GDPD4: variants seen among roughly 807,000 people sequenced by gnomAD.
GDPD4 encodes glycerophosphodiester phosphodiesterase domain containing 4, also known as glycerophosphodiester phosphodiesterase 6.
Under a neutral mutation model 67.8 loss-of-function variants are expected in GDPD4, and 60 were observed. That is an observed-to-expected ratio of 0.88 (90% confidence interval 0.72 to 1.10). The LOEUF (loss-of-function observed/expected upper bound fraction) is 1.10, where lower values mean the gene tolerates loss of function less well. Ranked by LOEUF, GDPD4 falls within the 50% of genes least tolerant of loss-of-function variation. The probability of loss-of-function intolerance (pLI) is 0.00; values close to 1 mark genes in which losing one functional copy is unlikely to be tolerated. For missense variants in GDPD4, 623 were observed against 613.9 expected (o/e 1.01, Z -0.16); for synonymous variants, 212 against 210.9 (o/e 1.00, Z -0.04).
intron 11 of GDPD4, among the ~76,000 whole-genome samples, chr11:77,248,800 C>T (rs1958831463): frequency 6.6e-6 from 1 of 151,416 alleles, no homozygotes; most frequent in Non-Finnish European, 1.5e-5. Context: ...CAGCTCACTA[C>T]AACCTCCACC....
At position 77,217,063 on chromosome 11, in the gene GDPD4, G is replaced by T. The variant is rs1244378190; in HGVS notation, c.*214C>A. 5.7e-6 allele frequency: 4 copies of T among 704,448 alleles called. No homozygotes were observed. The highest frequency in any genetic ancestry group is 1.0e-5 in the Non-Finnish European group (4 of 385,142). 43.6% of individuals were successfully genotyped at this position (704,448 alleles called of 1,614,324 possible). On this transcript the variant is annotated 3_prime_UTR_variant, in exon 17 of 17. Coordinates refer to ENST00000315938, the MANE Select transcript of GDPD4 (RefSeq NM_182833.3). ...GTGCTTGGGTGAGTTCAAAGACCACGGTGGGCATCGGTGGTTGAATCTCAT... is the reference window on the plus strand; with the variant it reads ...GTGCTTGGGTGAGTTCAAAGACCACTGTGGGCATCGGTGGTTGAATCTCAT...
At chr11:77,241,740 C>T (rs1192268084) in intron 13 of GDPD4, among the ~76,000 whole-genome samples, 14 of 149,426 alleles carry the variant, frequency 9.4e-5, no homozygotes, top group South Asian at 6.3e-4. Flanking sequence ...GTCAAGAGAT[C>T]GAGACCATCC....
At chr11:77,267,154 T>C (rs972739661) in intron 10 of GDPD4, among the ~76,000 whole-genome samples, 4 of 152,204 alleles carry the variant, frequency 2.6e-5, no homozygotes, top group African/African-American at 9.6e-5. Flanking sequence ...ATACCTACCA[T>C]TGTTCTGCAA....
intron 10 of GDPD4, among the ~76,000 whole-genome samples, chr11:77,263,005 C>T (rs192133775): frequency 2.6e-5 from 4 of 151,974 alleles, no homozygotes; most frequent in Non-Finnish European, 5.9e-5. Context: ...AAACAACTGT[C>T]AACTTAGAAT....
chr11:77,257,552 T>TACACACACACACACACACACACACAC (rs71043563), intron 11 of GDPD4, among the ~76,000 whole-genome samples: 9 of 134,266 alleles, frequency 6.7e-5, no homozygotes, highest in Non-Finnish European at 9.6e-5. Flanking sequence ...CTCCCTCTCC[T>TACACACACACACACACACACACACAC]ACACACACAC....
chr11:77,282,714 A>ACAAC (rs1565542008), intron 3 of GDPD4, among the ~76,000 whole-genome samples: 2 of 152,072 alleles, frequency 1.3e-5, no homozygotes, highest in African/African-American at 4.8e-5. Context: ...ACAACAAAAA[A>ACAAC]AAAAACACAG....
At chr11:77,280,569 C>T (rs999782659) in intron 3 of GDPD4, among the ~76,000 whole-genome samples, 114 of 152,298 alleles carry the variant, frequency 7.5e-4, no homozygotes, top group Non-Finnish European at 5.1e-4. Flanking sequence ...ACTCCTCTTT[C>T]TTCTAATCAT....
chr11:77,258,630 G>A, intron 10 of GDPD4, 88 bp from the exon 11 acceptor site: 1 of 1,146,764 alleles, frequency 8.7e-7, no homozygotes. Context: ...GTCCTTCAAG[G>A]TCACAAGTGT....
At chr11:77,291,160 A>C (rs1937759142) in intron 1 of GDPD4, among the ~76,000 whole-genome samples, 1 of 152,224 alleles carries the variant, frequency 6.6e-6, no homozygotes, top group Non-Finnish European at 1.5e-5. Flanking sequence ...AAATGAGCTT[A>C]TATATGCAAT....
Position 77,268,545 on chromosome 11 carries a change from G to A in GDPD4, c.625-6C>T, listed in dbSNP as rs756421375. On this transcript the variant is annotated splice_polypyrimidine_tract_variant and splice_region_variant and intron_variant, in intron 9 of 16. Transcript: ENST00000315938. ...ATGGTATTCTCAGGCCCCAACTGTAGAAGAAAAGGACATCAGGCCCTAAGC... is the reference window on the plus strand; with the variant it reads ...ATGGTATTCTCAGGCCCCAACTGTAAAAGAAAAGGACATCAGGCCCTAAGC... The A allele has an allele frequency of 1.2e-6, 2 of 1,603,340 alleles. No individual in the cohort carries two copies. Among genetic ancestry groups the A allele is most frequent in the Non-Finnish European group, 1.7e-6 (2 of 1,170,740 alleles).
intron 3 of GDPD4, among the ~76,000 whole-genome samples, chr11:77,279,927 A>G (rs1426770248): frequency 6.6e-6 from 1 of 152,250 alleles, no homozygotes; most frequent in East Asian, 1.9e-4. Flanking sequence ...TAGGTATTAC[A>G]CAAAGAAATT....
intron 1 of GDPD4, among the ~76,000 whole-genome samples, chr11:77,297,104 G>C (rs1000415565): frequency 6.7e-6 from 1 of 150,130 alleles, no homozygotes; most frequent in African/African-American, 2.4e-5. Flanking sequence ...TTCACACAAA[G>C]TATTTACAGG....
chr11:77,281,609 G>C (rs1959755563), intron 3 of GDPD4, among the ~76,000 whole-genome samples: 1 of 152,206 alleles, frequency 6.6e-6, no homozygotes, highest in Admixed American at 6.5e-5. Context: ...AGCATTTGGG[G>C]TAATTTTTCT....
intron 13 of GDPD4, among the ~76,000 whole-genome samples, chr11:77,239,561 G>A (rs1958625536): frequency 6.6e-6 from 1 of 152,146 alleles, no homozygotes; most frequent in Non-Finnish European, 1.5e-5. Context: ...CCTAACTGAT[G>A]AAAGTAAGAA....
intron 3 of GDPD4, among the ~76,000 whole-genome samples, chr11:77,281,840 G>C (rs1959767125): frequency 6.6e-6 from 1 of 152,056 alleles, no homozygotes; most frequent in South Asian, 2.1e-4. Flanking sequence ...CTCCCCCTAG[G>C]TACTGGCTTG....
intron 3 of GDPD4, among the ~76,000 whole-genome samples, chr11:77,282,500 A>G (rs1959803185): frequency 6.6e-6 from 1 of 151,818 alleles, no homozygotes; most frequent in Non-Finnish European, 1.5e-5. Context: ...AAAAAAATAT[A>G]AAAATTAGCT....
chr11:77,273,398 A>G (rs1411141953), intron 5 of GDPD4, among the ~76,000 whole-genome samples: 5 of 152,180 alleles, frequency 3.3e-5, no homozygotes, highest in African/African-American at 9.7e-5. Flanking sequence ...TTAACTTCCA[A>G]GGGAATGCCA....
chr11:77,242,286 G>A (rs980286789), intron 13 of GDPD4, among the ~76,000 whole-genome samples: 1 of 152,072 alleles, frequency 6.6e-6, no homozygotes, highest in African/African-American at 2.4e-5. Flanking sequence ...AATATATACA[G>A]TTATGATGTC....
rs1310858834 is a variant in GDPD4 at position 77,217,167 on chromosome 11, C to CT, written c.*109dup. On this transcript the variant is annotated 3_prime_UTR_variant, in exon 17 of 17. Coordinates refer to ENST00000315938, the MANE Select transcript of GDPD4 (RefSeq NM_182833.3). Reference sequence around the variant, plus strand: ...GATGGTGCTGCAAAATTGAAATGGCCTTGGTGTTCCTTTCCACTCTTGGGT... The same window carrying CT: ...GATGGTGCTGCAAAATTGAAATGGCCTTTGGTGTTCCTTTCCACTCTTGGGT... 13 of 833,776 alleles carry CT rather than the reference C, an allele frequency of 1.6e-5. No homozygotes were observed. The highest frequency in any genetic ancestry group is 2.6e-5 in the Non-Finnish European group (12 of 469,638). The allele number at this position is 833,776 out of a possible 1,614,324, so 51.6% of individuals were successfully genotyped here.
Sources: allele counts gnomAD v4.1 joint callset (sites outside exome capture counted in the v4.1 genomes callset), GRCh38; gene constraint gnomAD v4.1.1; transcripts MANE v1.5; gene names NCBI Gene and HGNC (gene_info 2026-07-23, HGNC 2026-07-21).